Variants in ZNF365 observed in about 807,000 individuals in gnomAD.
ZNF365 encodes protein ZNF365.
Under a neutral mutation model 35.0 loss-of-function variants are expected in ZNF365, and 22 were observed. That is an observed-to-expected ratio of 0.63 (90% CI 0.45 to 0.90). The LOEUF is 0.90. ZNF365 is among the 40% of genes least tolerant of loss of function. The probability of loss-of-function intolerance (pLI) is 0.00; values close to 1 mark genes in which losing one functional copy is unlikely to be tolerated. For missense variants in ZNF365, 448 were observed against 500.3 expected, an observed-to-expected ratio of 0.90 and a Z score of 1.00; for synonymous variants, 188 against 196.2, an observed-to-expected ratio of 0.96 and a Z score of 0.35.
intron 4 of ZNF365, among the ~76,000 whole-genome samples, chr10:62,465,533 T>C (rs1038086816): frequency 1.3e-5 from 2 of 152,156 alleles, no homozygotes; most frequent in East Asian, 1.9e-4. Flanking sequence ...ATGGTGTTTT[T>C]TCAGGCCCAC....
intron 3 of ZNF365, among the ~76,000 whole-genome samples, chr10:62,422,052 C>G (rs1224770703): frequency 1.3e-5 from 2 of 152,184 alleles, no homozygotes; most frequent in East Asian, 1.9e-4. Flanking sequence ...CAGCAATAAT[C>G]TAGTCCAGAG....
intron 3 of ZNF365, among the ~76,000 whole-genome samples, chr10:62,423,233 A>G (rs1840201485): frequency 6.6e-6 from 1 of 151,870 alleles, no homozygotes; most frequent in Non-Finnish European, 1.5e-5. Context: ...AAACTCCAGG[A>G]GTTCTAAAGG....
At chr10:62,408,914 G>T (rs543209217) in intron 3 of ZNF365, among the ~76,000 whole-genome samples, 3 of 152,228 alleles carry the variant, frequency 2.0e-5, no homozygotes, top group South Asian at 2.1e-4. Context: ...GGTCAAGATA[G>T]CGTCTCTGAT....
chr10:62,463,958 C>T (rs1023068970), intron 4 of ZNF365, among the ~76,000 whole-genome samples: 1 of 152,126 alleles, frequency 6.6e-6, no homozygotes, highest in African/African-American at 2.4e-5. Flanking sequence ...AACACTGACA[C>T]CAGCGGGATG....
Position 62,400,799 on chromosome 10 carries a change from CT to C in ZNF365, c.*1011del. The C allele has an allele frequency of 1.0e-6, 1 of 955,270 alleles. No homozygotes were observed. Among genetic ancestry groups the C allele is most frequent in the Non-Finnish European group, 1.2e-6 (1 of 821,156 alleles). 59.2% of individuals were successfully genotyped at this position (955,270 alleles called of 1,614,324 possible). On this transcript the variant is annotated 3_prime_UTR_variant, in exon 5 of 5. Transcript: ENST00000395254. ...TTTTCCACTGGGTGGTTCACTTTGC[CT>C]CCTGCTGCTTCTGTGCCCTGTTAAG...
downstream of ZNF365, among the ~76,000 whole-genome samples, chr10:62,404,264 G>A (rs4746698): frequency 0.52 from 78,959 of 152,056 alleles, 22,194 homozygotes; most frequent in East Asian, 0.69. Flanking sequence ...TGGTACCAAT[G>A]TCCTGTGAGA....
intron 3 of ZNF365, among the ~76,000 whole-genome samples, chr10:62,390,579 G>C (rs1277653225): frequency 1.3e-5 from 2 of 152,066 alleles, no homozygotes; most frequent in East Asian, 3.8e-4. Context: ...GTAGCATTTT[G>C]GCTCTTCTAG....
chr10:62,435,073 A>G (rs1163534693), intron 3 of ZNF365, among the ~76,000 whole-genome samples: 1 of 152,210 alleles, frequency 6.6e-6, no homozygotes. Context: ...CAGAGGGTGG[A>G]AAGGGGTATT....
intron 3 of ZNF365, among the ~76,000 whole-genome samples, chr10:62,451,658 A>G (rs1361955937): frequency 6.6e-6 from 1 of 152,170 alleles, no homozygotes; most frequent in East Asian, 1.9e-4. Context: ...CTTGCCATGC[A>G]GGGGCTTGGC....
chr10:62,451,707 C>G (rs1241536925), intron 3 of ZNF365, among the ~76,000 whole-genome samples: 2 of 152,178 alleles, frequency 1.3e-5, no homozygotes, highest in African/African-American at 4.8e-5. Flanking sequence ...CCTCTCTGGC[C>G]CCACCCAGCT....
chr10:62,436,217 G>A (rs1042853410), intron 3 of ZNF365, among the ~76,000 whole-genome samples: 4 of 152,090 alleles, frequency 2.6e-5, no homozygotes, highest in Admixed American at 1.3e-4. Context: ...CACCAGGCAA[G>A]CAAGCAATTT....
At chr10:62,455,554 T>A (rs1214187481) in intron 3 of ZNF365, among the ~76,000 whole-genome samples, 1 of 151,984 alleles carries the variant, frequency 6.6e-6, no homozygotes, top group Non-Finnish European at 1.5e-5. Flanking sequence ...ACATATACTG[T>A]ATATGAGAGA....
Position 62,376,379 on chromosome 10 carries a change from C to A in ZNF365, c.186C>A (p.Cys62Ter). The change falls in exon 2 of 5, where the codon TGC becomes TGA. Residue 62 changes from cysteine to a stop codon, truncating the protein, a stop_gained. Transcript: ENST00000395254. LOFTEE classifies it high-confidence loss of function. ...SYEERTLLTK[C>*]SLFPSLKDTD... ...AAGAAAGAACCCTCTTGACAAAATG[C>A]AGTCTCTTTCCATCCCTCAAAGACA... is the stretch of plus-strand genomic sequence containing the variant. 1 of 1,614,064 alleles carries A rather than the reference C, an allele frequency of 6.2e-7. No homozygotes were observed. The highest frequency in any genetic ancestry group is 1.1e-5 in the South Asian group (1 of 91,074).
chr10:62,405,408 C>T (rs748919448), downstream of ZNF365, among the ~76,000 whole-genome samples: 11 of 152,144 alleles, frequency 7.2e-5, no homozygotes, highest in Non-Finnish European at 1.5e-4. Flanking sequence ...TTCCAGGGCC[C>T]AGGAACGCCT....
Position 62,376,451 on chromosome 10 carries a change from G to A in ZNF365, c.258G>A (p.Gln86=). 1 of 1,614,170 alleles carries A rather than the reference G, an allele frequency of 6.2e-7. No homozygotes were observed. Among genetic ancestry groups the A allele is most frequent in the Non-Finnish European group, 8.5e-7 (1 of 1,180,038 alleles). Residue 86 remains glutamine (Q), a synonymous_variant, in exon 2 of 5, where the codon CAG becomes CAA. Coordinates refer to ENST00000395254, the MANE Select transcript of ZNF365 (RefSeq NM_014951.3). ...SSELLKPGKL[Q]SSGNVVKQKP... is the part of the protein sequence containing the mutation. Reference sequence around the variant, plus strand: ...AACTCCTGAAACCGGGAAAATTGCAGAGCAGTGGCAACGTGGTAAAGCAGA... The same window carrying A: ...AACTCCTGAAACCGGGAAAATTGCAAAGCAGTGGCAACGTGGTAAAGCAGA...
At chr10:62,469,225 G>A (rs1359629007) in intron 4 of ZNF365, among the ~76,000 whole-genome samples, 1 of 152,148 alleles carries the variant, frequency 6.6e-6, no homozygotes, top group Non-Finnish European at 1.5e-5. Flanking sequence ...AAAATGTCTA[G>A]GAAAGCTTCA....
rs1839809483 is a variant in ZNF365 at position 62,400,513 on chromosome 10, C to G, written c.*724C>G. 1.0e-6 allele frequency: 1 copy of G among 985,860 alleles called. No individual in the cohort carries two copies. Among genetic ancestry groups the G allele is most frequent in the South Asian group, 4.7e-5 (1 of 21,284 alleles). The allele number at this position is 985,860 out of a possible 1,614,324, so 61.1% of individuals were successfully genotyped here. A position where few individuals can be genotyped will look rare whatever the true frequency, so the allele number is the denominator to read the frequency against. On this transcript the variant is annotated 3_prime_UTR_variant, in exon 5 of 5. Transcript: ENST00000395254. Reference sequence around the variant, plus strand: ...TATTCTGCACCCACAGACCATGCTGCCAGCCTCTATCTTAATAGCTGCTTC... The same window carrying G: ...TATTCTGCACCCACAGACCATGCTGGCAGCCTCTATCTTAATAGCTGCTTC...
chr10:62,431,342 A>G (rs1840330751), intron 3 of ZNF365, among the ~76,000 whole-genome samples: 1 of 152,210 alleles, frequency 6.6e-6, no homozygotes, highest in Non-Finnish European at 1.5e-5. Flanking sequence ...GTGTATATAA[A>G]TATAAACACT....
chr10:62,465,157 C>G (rs1185925222), intron 4 of ZNF365, among the ~76,000 whole-genome samples: 2 of 152,248 alleles, frequency 1.3e-5, no homozygotes, highest in African/African-American at 2.4e-5. Flanking sequence ...CCGGAGCCCA[C>G]TTCAGTGCAG....
Sources: gnomAD v4.1 joint callset for allele counts (sites outside exome capture counted in the v4.1 genomes callset) on GRCh38, gnomAD v4.1.1 for gene constraint, MANE v1.5 for transcripts, NCBI Gene and HGNC (gene_info 2026-07-23, HGNC 2026-07-21) for gene names.